BCKDHB: variants seen among roughly 807,000 people sequenced by gnomAD.
BCKDHB encodes branched chain keto acid dehydrogenase E1 subunit beta, also known as 2-oxoisovalerate dehydrogenase subunit beta, mitochondrial.
BCKDHB carries 41 observed loss-of-function variants against 48.5 expected under a neutral mutation model. That is an observed-to-expected ratio of 0.85 (90% confidence interval 0.66 to 1.10). BCKDHB has a LOEUF of 1.10. BCKDHB is among the 50% of genes least tolerant of loss of function. The pLI is 0.00. For missense variants in BCKDHB, 496 were observed against 494.2 expected, an observed-to-expected ratio of 1.00 and a Z score of -0.03; for synonymous variants, 201 against 174.8, an observed-to-expected ratio of 1.15 and a Z score of -1.18.
chr6:80,399,928 A>G, the BCKDHB span, among the ~76,000 whole-genome samples: 2 of 152,222 alleles, frequency 1.3e-5, no homozygotes, highest in Middle Eastern at 3.4e-3. Context: ...AAATAAAGCC[A>G]TATACCTACA....
At chr6:80,146,942 C>T (rs73479939) in intron 3 of BCKDHB, among the ~76,000 whole-genome samples, 1,757 of 152,090 alleles carry the variant, frequency 0.012, 34 homozygotes, top group African/African-American at 0.04. Context: ...TCTGTTACTG[C>T]GGGAGAAGGG....
At chr6:80,335,900 T>G (rs560243165) in intron 9 of BCKDHB, among the ~76,000 whole-genome samples, 2 of 152,160 alleles carry the variant, frequency 1.3e-5, no homozygotes, top group Non-Finnish European at 2.9e-5. Flanking sequence ...GATTGCTAAT[T>G]TAGATTTTAT....
the BCKDHB span, among the ~76,000 whole-genome samples, chr6:80,402,075 T>A: frequency 6.6e-6 from 1 of 151,922 alleles, no homozygotes; most frequent in South Asian, 2.1e-4. Context: ...GCAATAAGCA[T>A]GGGGGAGCAG....
chr6:80,462,742 G>A, the BCKDHB span: 1 of 152,206 alleles, frequency 6.6e-6, no homozygotes, highest in Non-Finnish European at 1.5e-5. Flanking sequence ...AATCCAGAAT[G>A]TTGGACCTGA....
intron 3 of BCKDHB, among the ~76,000 whole-genome samples, chr6:80,145,125 A>G (rs1771417666): frequency 6.6e-6 from 1 of 152,142 alleles, no homozygotes; most frequent in South Asian, 2.1e-4. Flanking sequence ...CCAAACTGCT[A>G]AGGGATTTGA....
intron 1 of BCKDHB, among the ~76,000 whole-genome samples, chr6:80,115,641 C>CTT (rs760255958): frequency 0.012 from 1,646 of 142,938 alleles, 19 homozygotes; most frequent in African/African-American, 0.039. Context: ...GCTGGGGTTT[C>CTT]TTTTTTTTTT....
intron 3 of BCKDHB, among the ~76,000 whole-genome samples, chr6:80,136,216 A>C (rs140547253): frequency 1.3e-5 from 2 of 152,294 alleles, no homozygotes; most frequent in Non-Finnish European, 2.9e-5. Flanking sequence ...TTCAAAACTT[A>C]CTGCAAAGCT....
rs575338256 is a variant in BCKDHB at position 80,222,957 on chromosome 6, A to T, written c.951+19745A>T. ...CTTAGCCCACATTAGATTGGAAGCA[A>T]CACATTAGAAGATGGGGAAAAGTTA... On this transcript the variant is annotated intron_variant, in intron 8 of 9. Coordinates refer to ENST00000320393, the MANE Select transcript of BCKDHB (RefSeq NM_183050.4). 1.3e-4 allele frequency among the ~76,000 whole-genome samples: 20 copies of T among 152,346 alleles called. No individual in the cohort carries two copies. In the South Asian group the frequency reaches 3.9e-3, roughly 30 times the overall value.
At chr6:80,379,464 T>C in the BCKDHB span, among the ~76,000 whole-genome samples, 1 of 152,006 alleles carries the variant, frequency 6.6e-6, no homozygotes, top group African/African-American at 2.4e-5. Flanking sequence ...ATAAGAGCCA[T>C]ATATGACAAC....
At chr6:80,117,830 G>A (rs1256511127) in intron 1 of BCKDHB, among the ~76,000 whole-genome samples, 13 of 152,072 alleles carry the variant, frequency 8.5e-5, no homozygotes, top group Admixed American at 3.9e-4. Flanking sequence ...ATCTCTGTTC[G>A]AGGCTCTCAG....
chr6:80,312,174 C>T lies in BCKDHB; in HGVS notation c.1039-31490C>T, dbSNP rs976545744. 6.6e-5 allele frequency among the ~76,000 whole-genome samples: 10 copies of T among 152,110 alleles called. No individual in the cohort carries two copies. In the South Asian group the frequency reaches 8.3e-4, roughly 13 times the overall value. On this transcript the variant is annotated intron_variant, in intron 9 of 9. Coordinates refer to ENST00000320393, the MANE Select transcript of BCKDHB (RefSeq NM_183050.4). ...TAGCTGTATTCCTAAGTGTTTTATT[C>T]TTTTTATGGCAATTGTGAATGGGAG...
At chr6:80,443,598 T>C in the BCKDHB span, 7 of 152,228 alleles carry the variant, frequency 4.6e-5, no homozygotes, top group Non-Finnish European at 1.0e-4. Flanking sequence ...AAACAAACTC[T>C]TATTTGTTTA....
At chr6:80,151,527 T>G (rs1771778265) in intron 3 of BCKDHB, among the ~76,000 whole-genome samples, 1 of 152,092 alleles carries the variant, frequency 6.6e-6, no homozygotes, top group African/African-American at 2.4e-5. Context: ...TTAGTTCCAG[T>G]AGCAGTGAGA....
intron 3 of BCKDHB, among the ~76,000 whole-genome samples, chr6:80,142,315 T>C (rs1771261437): frequency 6.6e-6 from 1 of 152,130 alleles, no homozygotes; most frequent in Non-Finnish European, 1.5e-5. Flanking sequence ...AAAAGATGAA[T>C]TATGTTAATC....
chr6:80,259,895 TGAG>T, intron 8 of BCKDHB, among the ~76,000 whole-genome samples: 1 of 152,190 alleles, frequency 6.6e-6, no homozygotes, highest in Non-Finnish European at 1.5e-5. Context: ...GTAGTGATGA[TGAG>T]GAGATAAATA....
chr6:80,366,503 A>T, the BCKDHB span, among the ~76,000 whole-genome samples: 1 of 152,108 alleles, frequency 6.6e-6, no homozygotes, highest in African/African-American at 2.4e-5. Flanking sequence ...ATTTAAACTT[A>T]TAACCCAAGT....
intron 6 of BCKDHB, among the ~76,000 whole-genome samples, chr6:80,194,382 A>G (rs1452531891): frequency 6.6e-6 from 1 of 152,250 alleles, no homozygotes; most frequent in Non-Finnish European, 1.5e-5. Flanking sequence ...CCAGGACATT[A>G]GCATGGATAC....
chr6:80,222,071 C>T (rs941158111), intron 8 of BCKDHB, among the ~76,000 whole-genome samples: 2 of 152,184 alleles, frequency 1.3e-5, no homozygotes, highest in East Asian at 1.9e-4. Context: ...TACCCAAATA[C>T]TGAACATTGT....
chr6:80,250,498 A>G (rs1776793013), intron 8 of BCKDHB, among the ~76,000 whole-genome samples: 1 of 152,114 alleles, frequency 6.6e-6, no homozygotes, highest in African/African-American at 2.4e-5. Flanking sequence ...GGGAGGGAAA[A>G]GGGAGAGGGA....
Sources: allele counts gnomAD v4.1 joint callset (sites outside exome capture counted in the v4.1 genomes callset), GRCh38; gene constraint gnomAD v4.1.1; transcripts MANE v1.5; gene names NCBI Gene and HGNC (gene_info 2026-07-23, HGNC 2026-07-21).